The following TRMT1L variants were observed in gnomAD, a reference collection of about 807,000 sequenced individuals.
TRMT1L encodes the protein tRNA (guanine(27)-N(2))-dimethyltransferase.
Under a neutral mutation model 81.6 loss-of-function variants are expected in TRMT1L, and 28 were observed. That is an observed-to-expected ratio of 0.34 (90% CI 0.25 to 0.47). TRMT1L has a LOEUF of 0.47. Ranked by LOEUF, TRMT1L falls within the 20% of genes least tolerant of loss-of-function variation. The probability of loss-of-function intolerance (pLI) is 1.00; values close to 1 mark genes in which losing one functional copy is unlikely to be tolerated. For synonymous variants in TRMT1L, 301 were observed against 303.2 expected (o/e 0.99, Z 0.07); for missense variants, 739 against 877.1 (o/e 0.84, Z 1.99).
intron 10 of TRMT1L, 44 bp from the exon 11 acceptor site, chr1:185,128,791 A>G: frequency 2.0e-6 from 3 of 1,470,500 alleles, no homozygotes; most frequent in Admixed American, 1.9e-5. Flanking sequence ...AGAAATGACT[A>G]ATACAAATAG....
chr1:185,137,598 G>T lies in TRMT1L; in HGVS notation c.1513+8C>A. 1 of 1,611,246 alleles carries T rather than the reference G, an allele frequency of 6.2e-7. No homozygotes were observed. The highest frequency in any genetic ancestry group is 1.3e-5 in the African/African-American group (1 of 74,976). On this transcript the variant is annotated splice_region_variant and intron_variant, in intron 10 of 14. Transcript: ENST00000367506. ...TATAGATAAACATAATATATAACTT[G>T]AATTTACCTTCTACCATATTACCAT... is the stretch of plus-strand genomic sequence containing the variant.
intron 10 of TRMT1L, among the ~76,000 whole-genome samples, chr1:185,132,290 G>A (rs1652790621): frequency 6.6e-6 from 1 of 152,072 alleles, no homozygotes; most frequent in South Asian, 2.1e-4. Flanking sequence ...GGCCAAGGAG[G>A]GCGGATCACT....
intron 4 of TRMT1L, among the ~76,000 whole-genome samples, chr1:185,146,102 C>T (rs972039861): frequency 1.3e-5 from 2 of 151,920 alleles, no homozygotes; most frequent in Non-Finnish European, 2.9e-5. Context: ...TGTAAGTGCA[C>T]AGATAATATT....
In TRMT1L at chr1:185,156,526, G is replaced by A. The variant is rs765330105; in HGVS notation, c.187C>T (p.Pro63Ser). Residue 63 changes from proline (P) to serine (S), a missense_variant, in exon 1 of 15, where the codon CCG becomes TCG. By Grantham distance (74) the Pro-to-Ser change is moderately conservative. Coordinates refer to ENST00000367506, the MANE Select transcript of TRMT1L (RefSeq NM_030934.5). ...GAGGCTAGGGACGGGGACAGGGCCG[G>A]AGCCTGGGCCAGGGCAGGGGCTGGG... ...PAPAPALAQA[P>S]ALSPSLASAP... The A allele has an allele frequency of 3.2e-5, 51 of 1,613,070 alleles. No individual in the cohort carries two copies. Among genetic ancestry groups the A allele is most frequent in the African/African-American group, 6.7e-5 (5 of 74,902 alleles).
chr1:185,139,690 T>C lies in TRMT1L; in HGVS notation c.1110-111A>G, dbSNP rs530071191. 7 of 811,012 alleles carry C rather than the reference T, an allele frequency of 8.6e-6. No individual in the cohort carries two copies. The African/African-American group carries it at 8.6e-5, about 10-fold the overall frequency. The allele number at this position is 811,012 out of a possible 1,614,324, so 50.2% of individuals were successfully genotyped here. ...CATGGATTTAAAAATACATTGCAAA[T>C]ATATTTTAAGTACATAATTCTGTTT... is the stretch of plus-strand genomic sequence containing the variant. On this transcript the variant is annotated intron_variant, in intron 8 of 14. Coordinates refer to ENST00000367506, the MANE Select transcript of TRMT1L (RefSeq NM_030934.5).
intron 10 of TRMT1L, among the ~76,000 whole-genome samples, chr1:185,137,014 GA>G (rs1347955951): frequency 1.3e-5 from 2 of 151,502 alleles, no homozygotes; most frequent in African/African-American, 4.9e-5. Flanking sequence ...GTGACAAAAT[GA>G]GAAAAAAATC....
intron 1 of TRMT1L, among the ~76,000 whole-genome samples, chr1:185,155,764 A>T (rs1251481477): frequency 6.6e-6 from 1 of 152,244 alleles, no homozygotes; most frequent in Non-Finnish European, 1.5e-5. Flanking sequence ...ATATGGTCCA[A>T]TAAACCACCA....
intron 1 of TRMT1L, among the ~76,000 whole-genome samples, chr1:185,152,540 T>C (rs1653389051): frequency 6.6e-6 from 1 of 152,188 alleles, no homozygotes; most frequent in African/African-American, 2.4e-5. Flanking sequence ...ATGGTAAGTC[T>C]CTGCAGGTTT....
At position 185,139,953 on chromosome 1, in the gene TRMT1L, G is replaced by A. The variant is rs375847315; in HGVS notation, c.1109+20C>T. The A allele has an allele frequency of 9.4e-6, 15 of 1,591,624 alleles. No homozygotes were observed. In the African/African-American group the frequency reaches 9.4e-5, roughly 10 times the overall value. On this transcript the variant is annotated intron_variant, in intron 8 of 14. Coordinates refer to ENST00000367506, the MANE Select transcript of TRMT1L (RefSeq NM_030934.5). ...TTCAGATAAGTTTAGAAAGTGACACGGCAAGTCTTTTCTACTTACATGAAA... is the reference window on the plus strand; with the variant it reads ...TTCAGATAAGTTTAGAAAGTGACACAGCAAGTCTTTTCTACTTACATGAAA...
intron 12 of TRMT1L, 98 bp downstream of exon 12, chr1:185,124,846 A>T: frequency 8.5e-7 from 1 of 1,170,158 alleles, no homozygotes; most frequent in Non-Finnish European, 1.2e-6. Flanking sequence ...ACTATTTATA[A>T]TTATATTGGT....
intron 2 of TRMT1L, 29 bp from the exon 3 acceptor site, chr1:185,150,521 A>G: frequency 1.3e-6 from 2 of 1,501,958 alleles, no homozygotes; most frequent in Non-Finnish European, 1.9e-6. Flanking sequence ...TCAATAAACA[A>G]CAGAATATTC....
chr1:185,137,635 A>AAG lies in TRMT1L; in HGVS notation c.1483_1484insCT (p.Ile495ThrfsTer10). The AAG allele has an allele frequency of 6.2e-7, 1 of 1,613,982 alleles. No individual in the cohort carries two copies. Among genetic ancestry groups the AAG allele is most frequent in the Non-Finnish European group, 8.5e-7 (1 of 1,179,992 alleles). ...TACCATATTACCATCCTTCTGAAAA[A>AAG]TTCTCTCTTCACACCACTGACAATG... On this transcript the variant is annotated frameshift_variant, in exon 10 of 15. Coordinates refer to ENST00000367506, the MANE Select transcript of TRMT1L (RefSeq NM_030934.5). LOFTEE classifies it high-confidence loss of function.
In TRMT1L at chr1:185,145,423, A is replaced by C; in HGVS notation, c.655+16T>G. The C allele has an allele frequency of 6.2e-7, 1 of 1,604,184 alleles. No individual in the cohort carries two copies. Among genetic ancestry groups the C allele is most frequent in the East Asian group, 2.2e-5 (1 of 44,664 alleles). On this transcript the variant is annotated intron_variant, in intron 5 of 14. Coordinates refer to ENST00000367506, the MANE Select transcript of TRMT1L (RefSeq NM_030934.5). ...GGATTTACATATTAATATGTTAATGAGATTGCTCAACTTACCTGCAATATA... is the reference window on the plus strand; with the variant it reads ...GGATTTACATATTAATATGTTAATGCGATTGCTCAACTTACCTGCAATATA...
In TRMT1L at chr1:185,119,736, T is replaced by G. The variant is rs1652449890; in HGVS notation, c.*283A>C. 1 of 264,150 alleles carries G rather than the reference T, an allele frequency of 3.8e-6. No individual in the cohort carries two copies. Among genetic ancestry groups the G allele is most frequent in the Non-Finnish European group, 7.1e-6 (1 of 140,544 alleles). The allele number at this position is 264,150 out of a possible 1,614,324, so 16.4% of individuals were successfully genotyped here. ...CATAAAATTCCAAACACTTTGCATG[T>G]GAAAATTTTCTGAATTATTAAGCAG... On this transcript the variant is annotated 3_prime_UTR_variant, in exon 15 of 15. Coordinates refer to ENST00000367506, the MANE Select transcript of TRMT1L (RefSeq NM_030934.5).
chr1:185,144,409 T>C (rs1235666478), intron 5 of TRMT1L, among the ~76,000 whole-genome samples: 1 of 152,026 alleles, frequency 6.6e-6, no homozygotes, highest in Non-Finnish European at 1.5e-5. Context: ...TTGCTAAATA[T>C]ATTTCACTAT....
At chr1:185,130,614 A>T (rs1571345339) in intron 10 of TRMT1L, among the ~76,000 whole-genome samples, 1 of 152,338 alleles carries the variant, frequency 6.6e-6, no homozygotes, top group East Asian at 1.9e-4. Flanking sequence ...AGGTATTGCA[A>T]ATAAGAGGTC....
At chr1:185,151,316 G>A (rs1057300935) in intron 2 of TRMT1L, among the ~76,000 whole-genome samples, 2 of 151,946 alleles carry the variant, frequency 1.3e-5, no homozygotes, top group African/African-American at 4.8e-5. Flanking sequence ...TTCACATACA[G>A]TACAATAGAG....
chr1:185,139,517 T>C lies in TRMT1L; in HGVS notation c.1172A>G (p.Asn391Ser). ...YLDSAFRNIRNLGIVSVTSTD... is the reference protein window; with the variant it reads ...YLDSAFRNIRSLGIVSVTSTD... ...AGAAGTCACTGACACTATGCCAAGG[T>C]TTCTTATATTTCTGAATGCAGAATC... The change falls in exon 9 of 15, where the codon AAC becomes AGC. Residue 391 changes from asparagine (N) to serine (S), a missense_variant. By Grantham distance (46) the Asn-to-Ser change is conservative (BLOSUM62 1). Transcript: ENST00000367506. The C allele has an allele frequency of 6.2e-7, 1 of 1,613,990 alleles. No individual in the cohort carries two copies. The highest frequency in any genetic ancestry group is 8.5e-7 in the Non-Finnish European group (1 of 1,179,986).
intron 3 of TRMT1L, among the ~76,000 whole-genome samples, chr1:185,149,623 G>C (rs1378204121): frequency 6.6e-6 from 1 of 151,650 alleles, no homozygotes; most frequent in Non-Finnish European, 1.5e-5. Context: ...TTACTTCTAA[G>C]GCACTCCTAG....
Sources: gnomAD v4.1 joint callset for allele counts (sites outside exome capture counted in the v4.1 genomes callset) on GRCh38, gnomAD v4.1.1 for gene constraint, MANE v1.5 for transcripts, NCBI Gene and HGNC (gene_info 2026-07-23, HGNC 2026-07-21) for gene names.